The following DACH2 variants were observed in gnomAD, a reference collection of about 807,000 sequenced individuals.
DACH2 encodes the protein dachshund family transcription factor 2.
In DACH2, 17 loss-of-function variants were observed where a neutral mutation model predicts 35.8. The ratio of observed to expected loss-of-function variants is 0.48; its 90% CI spans 0.33 to 0.71. The LOEUF (loss-of-function observed/expected upper bound fraction) is 0.71. Ranked by LOEUF, DACH2 falls within the 30% of genes least tolerant of loss-of-function variation. DACH2 has a pLI of 0.02. For synonymous variants in DACH2, 195 were observed against 177.3 expected (o/e 1.10, Z -0.79); for missense variants, 469 against 472.7 (o/e 0.99, Z 0.07).
intron 2 of DACH2, among the ~76,000 whole-genome samples, chrX:86,483,651 G>A (rs2037977371): frequency 9.0e-6 from 1 of 110,687 alleles, no homozygotes; most frequent in African/African-American, 3.3e-5. Flanking sequence ...TGGGCAACAC[G>A]ATGAAACCCT....
intron 1 of DACH2, among the ~76,000 whole-genome samples, chrX:86,329,302 C>T (rs992231698): frequency 1.8e-5 from 2 of 111,559 alleles, no homozygotes; most frequent in Non-Finnish European, 3.8e-5. Flanking sequence ...CTATATACAG[C>T]TGAATAGGCT....
chrX:86,695,041 G>A lies in DACH2; in HGVS notation c.793G>A (p.Asp265Asn), dbSNP rs149971925. The A allele has an allele frequency of 4.3e-5, 47 of 1,099,197 alleles. No individual in the cohort carries two copies. The African/African-American group carries it at 7.9e-4, about 18-fold the overall frequency. 90.6% of individuals were successfully genotyped at this position (1,099,197 alleles called of 1,213,427 possible). Residue 265 changes from aspartate to asparagine, a missense_variant, in exon 5 of 12, where the codon GAT becomes AAT. Coordinates refer to ENST00000373125, the MANE Select transcript of DACH2 (RefSeq NM_053281.3). ...SNTGGSESSW[D>N]KDKMQSPFAA... Reference sequence around the variant, plus strand: ...TTCAGGTGGAAGTGAATCCTCCTGGGATAAAGATAAGATGCAGTCTCCATT... The same window carrying A: ...TTCAGGTGGAAGTGAATCCTCCTGGAATAAAGATAAGATGCAGTCTCCATT...
At chrX:86,672,746 C>G (rs765037503) in intron 4 of DACH2, among the ~76,000 whole-genome samples, 22 of 111,692 alleles carry the variant, frequency 2.0e-4, no homozygotes, top group Non-Finnish European at 3.8e-4. Context: ...TGGAGAACCT[C>G]TACTGGGGCA....
At position 86,163,648 on chromosome X, in the gene DACH2, C is replaced by G. The variant is rs183322850; in HGVS notation, c.488+14540C>G. Among the ~76,000 whole-genome samples, 1,047 of 111,175 alleles carry G rather than the reference C, an allele frequency of 9.4e-3. 6 individuals carry two copies. The highest frequency in any genetic ancestry group is 0.028 in the Middle Eastern group (6 of 215). On this transcript the variant is annotated intron_variant, in intron 1 of 11. Coordinates refer to ENST00000373125, the MANE Select transcript of DACH2 (RefSeq NM_053281.3). ...TTACTTTTTTGTGTTCATAAGTTCT[C>G]ATCATTTAGCTCCTACTTATAAGTG...
At position 86,814,608 on chromosome X, in the gene DACH2, T is replaced by C. The variant is rs1408680948; in HGVS notation, c.1538-80T>C. On this transcript the variant is annotated intron_variant, in intron 9 of 11. Coordinates refer to ENST00000373125, the MANE Select transcript of DACH2 (RefSeq NM_053281.3). ...CTATATCTCTCTTTATCTATACTTATATCTGTGGCTTATAATTCATCAAAA... is the reference window on the plus strand; with the variant it reads ...CTATATCTCTCTTTATCTATACTTACATCTGTGGCTTATAATTCATCAAAA... The C allele has an allele frequency of 8.4e-6, 8 of 952,289 alleles. No homozygotes were observed. In the East Asian group the frequency reaches 1.2e-4, roughly 15 times the overall value. The allele number at this position is 952,289 out of a possible 1,213,427, so 78.5% of individuals were successfully genotyped here. A position where few individuals can be genotyped will look rare whatever the true frequency, so the allele number is the denominator to read the frequency against.
Position 86,277,671 on chromosome X carries a change from G to T in DACH2, c.489-99153G>T, listed in dbSNP as rs377396434. On this transcript the variant is annotated intron_variant, in intron 1 of 11. Coordinates refer to ENST00000373125, the MANE Select transcript of DACH2 (RefSeq NM_053281.3). ...ATACAGTGCAGTGGTGGTTCAAGAAGTTTTGCAAAGGAGACGAGTCTTGAA... is the reference window on the plus strand; with the variant it reads ...ATACAGTGCAGTGGTGGTTCAAGAATTTTTGCAAAGGAGACGAGTCTTGAA... Among the ~76,000 whole-genome samples, 53 of 111,818 alleles carry T rather than the reference G, an allele frequency of 4.7e-4. 1 individual carries two copies. The East Asian group carries it at 5.9e-3, about 12-fold the overall frequency.
chrX:86,392,466 G>T (rs531723198), intron 2 of DACH2, among the ~76,000 whole-genome samples: 2 of 111,806 alleles, frequency 1.8e-5, no homozygotes, highest in African/African-American at 6.5e-5. Flanking sequence ...ATTACTCGTG[G>T]TAAGAGAAAA....
rs2041094856 is a variant in DACH2 at position 86,698,516 on chromosome X, TTTGTG to T, written c.931+3340_931+3344del. On this transcript the variant is annotated intron_variant, in intron 5 of 11. Coordinates refer to ENST00000373125, the MANE Select transcript of DACH2 (RefSeq NM_053281.3). ...AATTTCTTCTTTTTGTTTTGTTAGTTTTGTGTTTTTTTTTTTTTTTTTTTTTTTTT... is the reference window on the plus strand; with the variant it reads ...AATTTCTTCTTTTTGTTTTGTTAGTTTTTTTTTTTTTTTTTTTTTTTTTTT... 2.7e-5 allele frequency among the ~76,000 whole-genome samples: 2 copies of T among 73,457 alleles called. 1 individual carries two copies. Among genetic ancestry groups the T allele is most frequent in the Non-Finnish European group, 5.1e-5 (2 of 38,944 alleles). 63.8% of individuals were successfully genotyped at this position (73,457 alleles called of 115,157 possible). A position where few individuals can be genotyped will look rare whatever the true frequency, so the allele number is the denominator to read the frequency against.
intron 3 of DACH2, among the ~76,000 whole-genome samples, chrX:86,550,021 A>G (rs5968942): frequency 0.14 from 14,993 of 111,038 alleles, 867 homozygotes; most frequent in East Asian, 0.24. Flanking sequence ...ATAAATGTGT[A>G]TATCTGTAAA....
intron 1 of DACH2, among the ~76,000 whole-genome samples, chrX:86,267,893 T>C (rs2033739672): frequency 8.9e-6 from 1 of 111,953 alleles, no homozygotes; most frequent in African/African-American, 3.2e-5. Context: ...GTAATATAGA[T>C]AAAAGAACTT....
chrX:86,586,012 T>A (rs997876447), intron 3 of DACH2, among the ~76,000 whole-genome samples: 1 of 111,683 alleles, frequency 9.0e-6, no homozygotes, highest in Non-Finnish European at 1.9e-5. Context: ...GTGGTGAAAC[T>A]ATTTTAGATT....
At chrX:86,714,509 T>C (rs1364750843) in intron 5 of DACH2, 39 bp from the exon 6 acceptor site, 11 of 1,085,403 alleles carry the variant, frequency 1.0e-5, no homozygotes, top group Non-Finnish European at 1.4e-5. Flanking sequence ...TTTCAGATAA[T>C]CATAATGTAA....
In DACH2 at chrX:86,530,116, A is replaced by G. The variant is rs945157677; in HGVS notation, c.640+15725A>G. The stretch of plus-strand genomic sequence containing the variant: ...AACAAGGGCATAGAGAAGCTTGCAT[A>G]TAAAGCATATTAGCCCATTCAAGGC... On this transcript the variant is annotated intron_variant, in intron 3 of 11. Coordinates refer to ENST00000373125, the MANE Select transcript of DACH2 (RefSeq NM_053281.3). Among the ~76,000 whole-genome samples, 3 of 111,481 alleles carry G rather than the reference A, an allele frequency of 2.7e-5. No individual in the cohort carries two copies. In the East Asian group the frequency reaches 8.4e-4, roughly 31 times the overall value.
At position 86,751,680 on chromosome X, in the gene DACH2, A is replaced by G. The variant is rs1454691461; in HGVS notation, c.1240+11798A>G. Among the ~76,000 whole-genome samples the G allele has an allele frequency of 1.7e-4, 19 of 111,363 alleles. No homozygotes were observed. The Admixed American group carries it at 1.8e-3, about 11-fold the overall frequency. ...ATACTGGTGAAGCACACAAAAAACAAGAAGACAGAAGTAAAGGCAGGTAGG... is the reference window on the plus strand; with the variant it reads ...ATACTGGTGAAGCACACAAAAAACAGGAAGACAGAAGTAAAGGCAGGTAGG... On this transcript the variant is annotated intron_variant, in intron 7 of 11. Coordinates refer to ENST00000373125, the MANE Select transcript of DACH2 (RefSeq NM_053281.3).
chrX:86,714,655 G>A lies in DACH2; in HGVS notation c.1039G>A (p.Ala347Thr). Reference sequence around the variant, plus strand: ...TCAGATGAACCATCTCAATACTATTGCCAACATGGCTGCTGCAGCACAGAT... The same window carrying A: ...TCAGATGAACCATCTCAATACTATTACCAACATGGCTGCTGCAGCACAGAT... ...MNQMNHLNTI[A>T]NMAAAAQIHS... Residue 347 changes from alanine to threonine, a missense_variant, in exon 6 of 12, where the codon GCC becomes ACC. Around this residue, in one of 3 missense-constraint regions of DACH2, gnomAD observed 363 missense variants for 334.4 expected, o/e 1.09. Transcript: ENST00000373125. 1 of 1,207,250 alleles carries A rather than the reference G, an allele frequency of 8.3e-7. No homozygotes were observed. Among genetic ancestry groups the A allele is most frequent in the East Asian group, 3.0e-5 (1 of 33,754 alleles).
intron 2 of DACH2, among the ~76,000 whole-genome samples, chrX:86,380,713 GAAA>G (rs367970362): frequency 3.5e-4 from 38 of 110,087 alleles, no homozygotes; most frequent in African/African-American, 1.2e-3. Flanking sequence ...CTCCACAAAT[GAAA>G]GATGACCACT....
intron 4 of DACH2, among the ~76,000 whole-genome samples, chrX:86,694,036 G>A (rs2041038991): frequency 9.0e-6 from 1 of 111,383 alleles, no homozygotes; most frequent in African/African-American, 3.3e-5. Context: ...GCTCCCAAGA[G>A]TCCCAAGCCT....
chrX:86,667,606 AAGAAAGAAAGGC>A (rs2040713561), intron 4 of DACH2, among the ~76,000 whole-genome samples: 2 of 103,906 alleles, frequency 1.9e-5, no homozygotes, highest in Non-Finnish European at 3.9e-5. Flanking sequence ...GAAAGAAAGA[AAGAAAGAAAGGC>A]AGGCAGGCCC....
chrX:86,670,991 G>A (rs2040758591), intron 4 of DACH2, among the ~76,000 whole-genome samples: 1 of 111,783 alleles, frequency 8.9e-6, no homozygotes, highest in South Asian at 3.7e-4. Context: ...AGGACAGGAT[G>A]TTTTCAATAA....
Sources: allele counts gnomAD v4.1 joint callset (sites outside exome capture counted in the v4.1 genomes callset), GRCh38; gene constraint gnomAD v4.1.1; regional missense constraint gnomAD v4.1.1; transcripts MANE v1.5; gene names NCBI Gene and HGNC (gene_info 2026-07-23, HGNC 2026-07-21).